Variants in GTF3A observed in about 807,000 individuals in gnomAD.
GTF3A encodes the protein general transcription factor IIIA.
In GTF3A, 40 loss-of-function variants were observed where a neutral mutation model predicts 37.6. The ratio of observed to expected loss-of-function variants is 1.06; its 90% CI spans 0.83 to 1.38. The LOEUF is 1.38. Among genes scored for constraint, GTF3A ranks in the 40% most tolerant of loss-of-function variants. The pLI is 0.00. For missense variants in GTF3A, 500 were observed against 462.6 expected (o/e 1.08, Z -0.74); for synonymous variants, 191 against 166.7 (o/e 1.15, Z -1.12).
At chr13:27,425,298 G>GGTTACAT in intron 1 of GTF3A, 2 of 239,938 alleles carry the variant, frequency 8.3e-6, no homozygotes, top group Non-Finnish European at 8.1e-6. Context: ...CATGTACCAG[G>GGTTACAT]GGTCGTGAAA....
rs907130986 is a variant in GTF3A, at chr13:27,424,624, T to C, written c.-114T>C. On this transcript the variant is annotated 5_prime_UTR_variant, in exon 1 of 9. Transcript: ENST00000381140. ...GTGACCGCGCGCGCTCCCGGAAGTG[T>C]GCCGGCGTCGCGCGAAGGTTCAGCA... 2.8e-5 allele frequency: 19 copies of C among 667,220 alleles called. No homozygotes were observed. Among genetic ancestry groups the C allele is most frequent in the Admixed American group, 1.3e-4 (3 of 22,636 alleles). The allele number at this position is 667,220 out of a possible 1,614,324, so 41.3% of individuals were successfully genotyped here.
intron 2 of GTF3A, among the ~76,000 whole-genome samples, chr13:27,428,779 TAC>T: frequency 6.6e-6 from 1 of 152,232 alleles, no homozygotes; most frequent in Non-Finnish European, 1.5e-5. Context: ...AATACAGAAA[TAC>T]AGAGGCAGGA....
chr13:27,429,838 A>C (rs1322548888), intron 2 of GTF3A, 32 bp from the exon 3 acceptor site: 8 of 1,195,622 alleles, frequency 6.7e-6, no homozygotes, highest in Non-Finnish European at 9.3e-6. Flanking sequence ...CCCTTGGTTT[A>C]TTAATATTTT....
rs926332632 is a variant in GTF3A, at chr13:27,425,082, A to G, written c.201+144A>G. 10 of 578,748 alleles carry G rather than the reference A, an allele frequency of 1.7e-5. No individual in the cohort carries two copies. Among genetic ancestry groups the G allele is most frequent in the African/African-American group, 4.0e-5 (2 of 50,588 alleles). 35.9% of individuals were successfully genotyped at this position (578,748 alleles called of 1,614,324 possible). A position where few individuals can be genotyped will look rare whatever the true frequency, so the allele number is the denominator to read the frequency against. On this transcript the variant is annotated intron_variant, in intron 1 of 8. Transcript: ENST00000381140. Reference sequence around the variant, plus strand: ...CAGGACTTGGGGAAGGAGCTGAGGAAGTAGACAGGAAGTTGTAGGACCTTC... The same window carrying G: ...CAGGACTTGGGGAAGGAGCTGAGGAGGTAGACAGGAAGTTGTAGGACCTTC...
At position 27,432,746 on chromosome 13, in the gene GTF3A, ATGTGGGAAACACTT is replaced by A; in HGVS notation, c.507_520del (p.Gly170IlefsTer40). 1 of 1,605,786 alleles carries A rather than the reference ATGTGGGAAACACTT, an allele frequency of 6.2e-7. No homozygotes were observed. Among genetic ancestry groups the A allele is most frequent in the Non-Finnish European group, 8.5e-7 (1 of 1,175,886 alleles). On this transcript the variant is annotated frameshift_variant, in exon 5 of 9. Transcript: ENST00000381140. LOFTEE classifies it high-confidence loss of function. ...GCCAATGCAGGTGTACCCAGGAAGG[ATGTGGGAAACACTT>A]TGCATCACCCAGCAAGCTGAAACGA...
At position 27,427,140 on chromosome 13, in the gene GTF3A, G is replaced by A. The variant is rs1390115359; in HGVS notation, c.250G>A (p.Asp84Asn). The A allele has an allele frequency of 1.2e-6, 2 of 1,608,624 alleles. No individual in the cohort carries two copies. Among genetic ancestry groups the A allele is most frequent in the East Asian group, 4.5e-5 (2 of 44,844 alleles). Reference sequence around the variant, plus strand: ...AGGGTGTGGCAAGGCCTTCATCAGGGACTACCATCTGAGCCGCCACATTCT... The same window carrying A: ...AGGGTGTGGCAAGGCCTTCATCAGGAACTACCATCTGAGCCGCCACATTCT... The change falls in exon 2 of 9, where the codon GAC becomes AAC. Residue 84 changes from aspartate (D) to asparagine (N), a missense_variant. By Grantham distance (23) the Asp-to-Asn change is conservative (BLOSUM62 1). Transcript: ENST00000381140.
intron 4 of GTF3A, 32 bp from the exon 5 acceptor site, chr13:27,432,699 A>G (rs1448575653): frequency 1.3e-6 from 2 of 1,561,720 alleles, no homozygotes; most frequent in African/African-American, 1.4e-5. Flanking sequence ...GTGAAAATGG[A>G]TTGGCTAATA....
chr13:27,424,674 G>A lies in GTF3A; in HGVS notation c.-64G>A. On this transcript the variant is annotated 5_prime_UTR_variant, in exon 1 of 9. Coordinates refer to ENST00000381140, the MANE Select transcript of GTF3A (RefSeq NM_002097.3). ...AGGGAGCCGTGGGCCGGGCGCGCCGGTTCCCGGCACGTGTCTCGGCACGTG... is the reference window on the plus strand; with the variant it reads ...AGGGAGCCGTGGGCCGGGCGCGCCGATTCCCGGCACGTGTCTCGGCACGTG... The A allele has an allele frequency of 8.1e-7, 1 of 1,235,750 alleles. No individual in the cohort carries two copies. Among genetic ancestry groups the A allele is most frequent in the South Asian group, 1.9e-5 (1 of 52,238 alleles). The allele number at this position is 1,235,750 out of a possible 1,614,324, so 76.5% of individuals were successfully genotyped here.
At chr13:27,426,762 G>A (rs1953608124) in intron 1 of GTF3A, among the ~76,000 whole-genome samples, 1 of 152,176 alleles carries the variant, frequency 6.6e-6, no homozygotes, top group Non-Finnish European at 1.5e-5. Flanking sequence ...ATGCAGACAA[G>A]CCATGCTAAC....
rs928503818 is a variant in GTF3A at position 27,424,732 on chromosome 13, G to A, written c.-6G>A. On this transcript the variant is annotated 5_prime_UTR_variant, in exon 1 of 9. Coordinates refer to ENST00000381140, the MANE Select transcript of GTF3A (RefSeq NM_002097.3). Reference sequence around the variant, plus strand: ...GCCTGGCCCTGGGCTTGGAGGCGCCGGCGCCCTGGATCCGCCGGCCGTGGT... The same window carrying A: ...GCCTGGCCCTGGGCTTGGAGGCGCCAGCGCCCTGGATCCGCCGGCCGTGGT... 2 of 1,443,948 alleles carry A rather than the reference G, an allele frequency of 1.4e-6. No individual in the cohort carries two copies. The highest frequency in any genetic ancestry group is 2.7e-5 in the Admixed American group (1 of 37,234). The allele number at this position is 1,443,948 out of a possible 1,614,324, so 89.4% of individuals were successfully genotyped here.
chr13:27,430,759 C>G (rs1374345681), intron 4 of GTF3A, 138 bp downstream of exon 4: 5 of 615,480 alleles, frequency 8.1e-6, no homozygotes, highest in Non-Finnish European at 1.5e-5. Context: ...ATATCCTTTG[C>G]CCACTTTTCG....
rs1458458320 is a variant in GTF3A, at chr13:27,429,928, T to G, written c.361T>G (p.Phe121Val). ...CACAAAATCAAACTTGAAGAAACAT[T>G]TTGAACGCAAACATGAAAATCAACA... The change falls in exon 3 of 9, where the codon TTT (phenylalanine) becomes GTT (valine). Residue 121 changes from phenylalanine to valine, a missense_variant. Physicochemically the swap from Phe to Val is conservative, Grantham distance 50. Transcript: ENST00000381140. 13 of 1,538,564 alleles carry G rather than the reference T, an allele frequency of 8.4e-6. No individual in the cohort carries two copies. Among genetic ancestry groups the G allele is most frequent in the African/African-American group, 1.4e-5 (1 of 72,624 alleles).
In GTF3A at chr13:27,435,463, G is replaced by T; in HGVS notation, c.964G>T (p.Ala322Ser). ...AAAATCTCGTGAAAAACGGAGTTTG[G>T]CCTCTCATCTCAGTGGATATATCCC... The change falls in exon 9 of 9, where the codon GCC (alanine) becomes TCC (serine). Residue 322 changes from alanine to serine, a missense_variant. Coordinates refer to ENST00000381140, the MANE Select transcript of GTF3A (RefSeq NM_002097.3). The T allele has an allele frequency of 1.9e-6, 3 of 1,613,160 alleles. No homozygotes were observed. The highest frequency in any genetic ancestry group is 2.5e-6 in the Non-Finnish European group (3 of 1,179,516).
At chr13:27,428,946 G>A (rs1022742681) in intron 2 of GTF3A, among the ~76,000 whole-genome samples, 2 of 152,182 alleles carry the variant, frequency 1.3e-5, no homozygotes, top group Non-Finnish European at 2.9e-5. Flanking sequence ...GAGACTTTGT[G>A]GGGGTTGAGC....
In GTF3A at chr13:27,435,016, C is replaced by A. The variant is rs202186177; in HGVS notation, c.855C>A (p.Gly285=). The change falls in exon 7 of 9, where the codon GGC becomes GGA. Residue 285 remains glycine (G), a synonymous_variant. Transcript: ENST00000381140. ...TTGTGTGTGAACATGCTGGCTGTGG[C>A]AAAACATTTGCAATGAAAGTAAGCA... The A allele has an allele frequency of 1.9e-6, 3 of 1,602,186 alleles. No individual in the cohort carries two copies. The highest frequency in any genetic ancestry group is 2.7e-5 in the African/African-American group (2 of 74,678).
Position 27,427,196 on chromosome 13 carries a change from A to G in GTF3A, c.302+4A>G, listed in dbSNP as rs1459387636. On this transcript the variant is annotated splice_donor_region_variant and intron_variant, in intron 2 of 8. Transcript: ENST00000381140. ...ACACAGGAGAAAAGCCGTTTGTGTA[A>G]GTAGAGACCTGTTTTTAGGCTTTTG... 6.8e-7 allele frequency: 1 copy of G among 1,477,130 alleles called. No homozygotes were observed. The highest frequency in any genetic ancestry group is 2.3e-5 in the East Asian group (1 of 44,132). The allele number at this position is 1,477,130 out of a possible 1,614,324, so 91.5% of individuals were successfully genotyped here.
chr13:27,429,424 C>CT (rs1953638549), intron 2 of GTF3A: 1 of 152,204 alleles, frequency 6.6e-6, no homozygotes, highest in Admixed American at 6.6e-5. Context: ...TGGTTCTGCT[C>CT]TAAGTATCTG....
At chr13:27,426,581 G>A (rs1953606863) in intron 1 of GTF3A, among the ~76,000 whole-genome samples, 1 of 152,212 alleles carries the variant, frequency 6.6e-6, no homozygotes, top group Non-Finnish European at 1.5e-5. Context: ...TGTTTTCTTT[G>A]CTTCGCCCTG....
rs1953709360 is a variant in GTF3A, at chr13:27,435,597, A to G, written c.1098A>G (p.Ter366=). The change falls in exon 9 of 9, where the codon TAA becomes TAG. Residue 366 remains the stop codon, a stop_retained_variant. Coordinates refer to ENST00000381140, the MANE Select transcript of GTF3A (RefSeq NM_002097.3). Reference sequence around the variant, plus strand: ...CAGTTGCAGTACTTACCCTTGGCTAAGAACTGCACTGCTTTGTTTAAAGGA... The same window carrying G: ...CAGTTGCAGTACTTACCCTTGGCTAGGAACTGCACTGCTTTGTTTAAAGGA... 3 of 1,613,404 alleles carry G rather than the reference A, an allele frequency of 1.9e-6. No individual in the cohort carries two copies. The highest frequency in any genetic ancestry group is 2.5e-6 in the Non-Finnish European group (3 of 1,179,552).
Sources: gnomAD v4.1 joint callset for allele counts (sites outside exome capture counted in the v4.1 genomes callset) on GRCh38, gnomAD v4.1.1 for gene constraint, MANE v1.5 for transcripts, NCBI Gene and HGNC (gene_info 2026-07-23, HGNC 2026-07-21) for gene names.